Variants in PRKN observed in about 807,000 individuals in gnomAD.
The protein encoded by PRKN is parkin RBR E3 ubiquitin protein ligase, also known as E3 ubiquitin-protein ligase parkin.
In PRKN, 56 loss-of-function variants were observed where a neutral mutation model predicts 59.5. That is an observed-to-expected ratio of 0.94 (90% CI 0.76 to 1.18). The LOEUF is 1.18. Ranked by LOEUF, PRKN falls within the 50% of genes most tolerant of loss-of-function variation. PRKN has a pLI of 0.00. For missense variants in PRKN, 657 were observed against 596.4 expected (o/e 1.10, Z -1.06); for synonymous variants, 250 against 222.1 (o/e 1.13, Z -1.12).
At chr6:162,013,278 C>A (rs1782806278) in intron 5 of PRKN, among the ~76,000 whole-genome samples, 1 of 152,040 alleles carries the variant, frequency 6.6e-6, no homozygotes, top group South Asian at 2.1e-4. Context: ...CTCAATTCCC[C>A]TAGAGTAGCC....
chr6:161,472,475 G>A (rs1790842966), intron 9 of PRKN, among the ~76,000 whole-genome samples: 1 of 152,070 alleles, frequency 6.6e-6, no homozygotes, highest in Non-Finnish European at 1.5e-5. Flanking sequence ...ATAATGAATT[G>A]AACCCTTAGC....
chr6:161,782,995 C>A (rs1790273493), intron 7 of PRKN, among the ~76,000 whole-genome samples: 2 of 151,822 alleles, frequency 1.3e-5, no homozygotes, highest in African/African-American at 4.8e-5. Flanking sequence ...AGTTTATATC[C>A]CTATAAGGAT....
At chr6:161,532,694 C>T (rs927698643) in intron 9 of PRKN, among the ~76,000 whole-genome samples, 2 of 152,126 alleles carry the variant, frequency 1.3e-5, no homozygotes, top group Admixed American at 6.5e-5. Context: ...GAGACGCCCA[C>T]GTGGTAATAT....
At chr6:161,667,391 G>A (rs909414499) in intron 7 of PRKN, among the ~76,000 whole-genome samples, 8 of 152,228 alleles carry the variant, frequency 5.3e-5, no homozygotes, top group African/African-American at 1.9e-4. Flanking sequence ...GCACATCTGT[G>A]GATCCTGCAA....
At chr6:161,642,450 G>T (rs892281329) in intron 7 of PRKN, among the ~76,000 whole-genome samples, 3 of 152,086 alleles carry the variant, frequency 2.0e-5, no homozygotes, top group Admixed American at 1.3e-4. Context: ...GAATTATTGT[G>T]ATATTTATGG....
intron 2 of PRKN, among the ~76,000 whole-genome samples, chr6:162,291,172 C>T (rs1397333463): frequency 1.3e-5 from 2 of 152,084 alleles, no homozygotes; most frequent in African/African-American, 4.8e-5. Context: ...CATCATAAAT[C>T]ATGTTAGAAA....
At chr6:161,631,486 A>G (rs1281916338) in intron 7 of PRKN, among the ~76,000 whole-genome samples, 1 of 152,242 alleles carries the variant, frequency 6.6e-6, no homozygotes, top group Non-Finnish European at 1.5e-5. Context: ...CCATGGCACA[A>G]ATATCACAGG....
chr6:161,800,784 CAG>C (rs1184529366), intron 6 of PRKN, among the ~76,000 whole-genome samples: 9 of 152,186 alleles, frequency 5.9e-5, no homozygotes, highest in Admixed American at 2.0e-4. Context: ...ACTCATTAAC[CAG>C]AGTCAGAAAG....
At chr6:162,398,489 C>G (rs1787598105) in intron 2 of PRKN, among the ~76,000 whole-genome samples, 1 of 152,044 alleles carries the variant, frequency 6.6e-6, no homozygotes, top group African/African-American at 2.4e-5. Flanking sequence ...CTCCTGGGTG[C>G]AAGCGATTCT....
intron 1 of PRKN, among the ~76,000 whole-genome samples, chr6:162,580,919 T>C (rs1780765629): frequency 6.6e-6 from 1 of 152,184 alleles, no homozygotes; most frequent in African/African-American, 2.4e-5. Context: ...ACAGACATCA[T>C]TCAGTGGCAT....
intron 2 of PRKN, among the ~76,000 whole-genome samples, chr6:162,359,720 T>C (rs1299357775): frequency 6.6e-6 from 1 of 152,124 alleles, no homozygotes; most frequent in Non-Finnish European, 1.5e-5. Context: ...TATTGTTCAG[T>C]GGTCAAATAC....
At chr6:162,239,729 T>A (rs1778905873) in intron 3 of PRKN, among the ~76,000 whole-genome samples, 1 of 151,766 alleles carries the variant, frequency 6.6e-6, no homozygotes, top group African/African-American at 2.4e-5. Context: ...CAAAGCTAAT[T>A]AGGGAGAATG....
chr6:162,088,079 G>A (rs1779329731), intron 4 of PRKN, among the ~76,000 whole-genome samples: 1 of 152,150 alleles, frequency 6.6e-6, no homozygotes, highest in Admixed American at 6.5e-5. Flanking sequence ...TTCTAACCCT[G>A]TCCCACATCA....
At chr6:162,258,157 C>G (rs1163716134) in intron 3 of PRKN, among the ~76,000 whole-genome samples, 2 of 152,192 alleles carry the variant, frequency 1.3e-5, no homozygotes, top group Admixed American at 1.3e-4. Context: ...TATTACGGAA[C>G]TCCCCACCAA....
At chr6:162,727,586 G>A in intron 1 of PRKN, 76 bp downstream of exon 1, 2 of 1,472,082 alleles carry the variant, frequency 1.4e-6, no homozygotes, top group Non-Finnish European at 9.3e-7. Context: ...GGTCCTGGTC[G>A]GCCGAGGCGG....
At chr6:162,456,302 A>G (rs1790869213) in intron 1 of PRKN, among the ~76,000 whole-genome samples, 1 of 152,186 alleles carries the variant, frequency 6.6e-6, no homozygotes, top group Non-Finnish European at 1.5e-5. Context: ...AAGCCCATTC[A>G]TCTAATTAAG....
rs532850158 is a variant in PRKN, at chr6:161,456,231, C to T, written c.1084-69354G>A. Among the ~76,000 whole-genome samples the T allele has an allele frequency of 5.9e-4, 90 of 152,268 alleles. 1 individual carries two copies. Among genetic ancestry groups the T allele is most frequent in the Non-Finnish European group, 4.0e-4 (27 of 68,026 alleles). ...TCAGTCAGGATGGGCGAAATTGAAT[C>T]GGCTGCCAGTGCAGCTAAGATAAAA... On this transcript the variant is annotated intron_variant, in intron 9 of 11. Transcript: ENST00000366898. This position sits in a 1 kb window ranked among gnomAD's most constrained non-coding sequence, Gnocchi z 4.8.
intron 3 of PRKN, among the ~76,000 whole-genome samples, chr6:162,238,583 G>A (rs575980478): frequency 1.3e-5 from 2 of 152,250 alleles, no homozygotes; most frequent in East Asian, 1.9e-4. Flanking sequence ...TCTGGAAAAG[G>A]AGCCAAGACC....
intron 4 of PRKN, among the ~76,000 whole-genome samples, chr6:162,108,476 C>T (rs1780285433): frequency 6.6e-6 from 1 of 152,176 alleles, no homozygotes; most frequent in Non-Finnish European, 1.5e-5. Flanking sequence ...TACGAAATGT[C>T]AGTGTTTCCT....
Sources: allele counts gnomAD v4.1 joint callset (sites outside exome capture counted in the v4.1 genomes callset), GRCh38; gene constraint gnomAD v4.1.1; non-coding constraint Gnocchi (gnomAD v3.1); transcripts MANE v1.5; gene names NCBI Gene and HGNC (gene_info 2026-07-23, HGNC 2026-07-21).